The following GABRG3 variants were observed in gnomAD, a reference collection of about 807,000 sequenced individuals.
GABRG3 encodes the protein gamma-aminobutyric acid receptor subunit gamma-3.
GABRG3 carries 25 observed loss-of-function variants against 48.8 expected under a neutral mutation model. That is an observed-to-expected ratio of 0.51 (90% confidence interval 0.37 to 0.72). GABRG3 has a LOEUF of 0.72. Among genes scored for constraint, GABRG3 ranks in the 30% least tolerant of loss-of-function variants. GABRG3 has a pLI of 0.00. For synonymous variants in GABRG3, 227 were observed against 217.6 expected (o/e 1.04, Z -0.38); for missense variants, 394 against 577.9 (o/e 0.68, Z 3.26).
rs1892246871 is a variant in GABRG3 at position 27,302,506 on chromosome 15, C to T, written c.271-24303C>T. On this transcript the variant is annotated intron_variant, in intron 3 of 9. Coordinates refer to ENST00000615808, the MANE Select transcript of GABRG3 (RefSeq NM_033223.5). Reference sequence around the variant, plus strand: ...ATACATGAAGCAAAACCAGACAAAACTGAAAACAGAAATAGATATATCCAC... The same window carrying T: ...ATACATGAAGCAAAACCAGACAAAATTGAAAACAGAAATAGATATATCCAC... Among the ~76,000 whole-genome samples, 3 of 151,962 alleles carry T rather than the reference C, an allele frequency of 2.0e-5. No individual in the cohort carries two copies. The South Asian group carries it at 6.2e-4, about 31-fold the overall frequency.
intron 5 of GABRG3, among the ~76,000 whole-genome samples, chr15:27,359,674 C>G (rs938099762): frequency 6.6e-6 from 1 of 152,172 alleles, no homozygotes; most frequent in African/African-American, 2.4e-5. Flanking sequence ...TGTACGCATT[C>G]CCATCAAAAT....
At chr15:27,368,949 C>A (rs1259179408) in intron 5 of GABRG3, among the ~76,000 whole-genome samples, 1 of 152,172 alleles carries the variant, frequency 6.6e-6, no homozygotes, top group African/African-American at 2.4e-5. Context: ...GACAGATAGT[C>A]AAGGGCCAGG....
chr15:27,490,720 C>T (rs959817276), intron 6 of GABRG3, among the ~76,000 whole-genome samples: 1 of 152,216 alleles, frequency 6.6e-6, no homozygotes, highest in Non-Finnish European at 1.5e-5. Context: ...TTCCAGACCC[C>T]AACTTTCCCT....
At chr15:27,246,791 A>C (rs1890283659) in intron 3 of GABRG3, among the ~76,000 whole-genome samples, 1 of 152,206 alleles carries the variant, frequency 6.6e-6, no homozygotes, top group Non-Finnish European at 1.5e-5. Context: ...GCCATGGAAG[A>C]AAATTTCTCC....
intron 3 of GABRG3, among the ~76,000 whole-genome samples, chr15:27,216,396 C>T (rs944577945): frequency 1.3e-5 from 2 of 152,216 alleles, no homozygotes; most frequent in Non-Finnish European, 2.9e-5. Context: ...CCTCTGCACA[C>T]AGGGTTCACT....
At position 27,326,832 on chromosome 15, in the gene GABRG3, T is replaced by C. The variant is rs1026144970; in HGVS notation, c.294T>C (p.Phe98=). 1.9e-6 allele frequency: 3 copies of C among 1,613,940 alleles called. No individual in the cohort carries two copies. The highest frequency in any genetic ancestry group is 2.5e-6 in the Non-Finnish European group (3 of 1,179,800). Residue 98 remains phenylalanine, a synonymous_variant, in exon 4 of 10, where the codon TTT becomes TTC. Transcript: ENST00000615808. ...INMEYQIDIF[F]AQTWTDSRLR... ...AGGAATACCAAATTGACATATTTTT[T>C]GCTCAGACCTGGACAGATAGTCGCC...
chr15:27,032,234 C>T (rs146124731), intron 3 of GABRG3, among the ~76,000 whole-genome samples: 12 of 152,258 alleles, frequency 7.9e-5, no homozygotes, highest in African/African-American at 2.9e-4. Flanking sequence ...TTCTTTCTAA[C>T]GTATGTTAGT....
At chr15:27,516,920 A>C (rs1364570087) in intron 6 of GABRG3, among the ~76,000 whole-genome samples, 1 of 152,238 alleles carries the variant, frequency 6.6e-6, no homozygotes, top group Admixed American at 6.5e-5. Context: ...AACAAGTTTC[A>C]GGTCCTGACT....
rs570572529 is a variant in GABRG3, at chr15:26,998,514, A to T, written c.202+21364A>T. Among the ~76,000 whole-genome samples the T allele has an allele frequency of 2.0e-5, 3 of 152,170 alleles. No individual in the cohort carries two copies. In the East Asian group the frequency reaches 5.8e-4, roughly 29 times the overall value. On this transcript the variant is annotated intron_variant, in intron 2 of 9. Coordinates refer to ENST00000615808, the MANE Select transcript of GABRG3 (RefSeq NM_033223.5). ...CTTGGCTTGTTCTTTCTGGCATGGA[A>T]CCCCCACTCTTCAAGTAAACAAGGT...
At chr15:27,390,603 G>A (rs142624664) in intron 5 of GABRG3, among the ~76,000 whole-genome samples, 43 of 152,304 alleles carry the variant, frequency 2.8e-4, no homozygotes, top group African/African-American at 9.9e-4. Flanking sequence ...CTGCCCTCTT[G>A]ACTCTCAGCA....
At chr15:27,395,653 A>G (rs945813982) in intron 5 of GABRG3, among the ~76,000 whole-genome samples, 1 of 152,222 alleles carries the variant, frequency 6.6e-6, no homozygotes, top group African/African-American at 2.4e-5. Context: ...AAATAGTCCT[A>G]TAAGAATTGG....
intron 2 of GABRG3, among the ~76,000 whole-genome samples, chr15:27,019,289 C>T (rs1232273002): frequency 6.6e-6 from 1 of 151,966 alleles, no homozygotes; most frequent in African/African-American, 2.4e-5. Flanking sequence ...CCAGGATGGT[C>T]TCAATCTCCT....
chr15:27,350,939 G>T (rs1319236801), intron 5 of GABRG3, among the ~76,000 whole-genome samples: 1 of 151,312 alleles, frequency 6.6e-6, no homozygotes, highest in Non-Finnish European at 1.5e-5. Flanking sequence ...TGTGTATCGT[G>T]TGTGTATGCT....
intron 9 of GABRG3, among the ~76,000 whole-genome samples, chr15:27,530,180 C>A (rs1891388325): frequency 6.6e-6 from 1 of 152,170 alleles, no homozygotes; most frequent in African/African-American, 2.4e-5. Context: ...TGGCCTGGGG[C>A]AAGCTGTTCC....
intron 5 of GABRG3, among the ~76,000 whole-genome samples, chr15:27,360,182 C>T (rs1894975015): frequency 6.6e-6 from 1 of 152,164 alleles, no homozygotes; most frequent in African/African-American, 2.4e-5. Flanking sequence ...GAAGCTTCTC[C>T]AAGGGCTATG....
chr15:26,996,690 C>T (rs1371160522), intron 2 of GABRG3, among the ~76,000 whole-genome samples: 1 of 151,922 alleles, frequency 6.6e-6, no homozygotes, highest in East Asian at 1.9e-4. Flanking sequence ...TGCTCAGTCA[C>T]CCAGGCTGGA....
intron 5 of GABRG3, among the ~76,000 whole-genome samples, chr15:27,360,046 A>C (rs1213241099): frequency 1.3e-5 from 2 of 152,128 alleles, no homozygotes; most frequent in African/African-American, 4.8e-5. Context: ...CAAGAGTCAG[A>C]AGGGAGCATT....
At chr15:27,439,675 C>T (rs1348764106) in intron 5 of GABRG3, among the ~76,000 whole-genome samples, 2 of 152,206 alleles carry the variant, frequency 1.3e-5, no homozygotes, top group Non-Finnish European at 2.9e-5. Flanking sequence ...GCTGTTTCCA[C>T]GTGGTCTTGC....
At chr15:27,466,589 C>T (rs548324415) in intron 5 of GABRG3, among the ~76,000 whole-genome samples, 2 of 152,292 alleles carry the variant, frequency 1.3e-5, no homozygotes, top group East Asian at 1.9e-4. Context: ...TGCAACAGAC[C>T]GGGAAGCTAC....
Sources: allele counts gnomAD v4.1 joint callset (sites outside exome capture counted in the v4.1 genomes callset), GRCh38; gene constraint gnomAD v4.1.1; transcripts MANE v1.5; gene names NCBI Gene and HGNC (gene_info 2026-07-23, HGNC 2026-07-21).